The following ZNF791 variants were observed in gnomAD, a reference collection of about 807,000 sequenced individuals.
ZNF791 encodes the protein zinc finger protein 791.
In ZNF791, 4 loss-of-function variants were observed where a neutral mutation model predicts 11.5. That is an observed-to-expected ratio of 0.35 (90% CI 0.17 to 0.80). The LOEUF is 0.80. Among genes scored for constraint, ZNF791 ranks in the 30% least tolerant of loss-of-function variants. The pLI, the probability that ZNF791 is intolerant of heterozygous loss-of-function variation, is 0.53. For missense variants in ZNF791, 559 were observed against 699.4 expected (o/e 0.80, Z 2.26); for synonymous variants, 212 against 228.1 (o/e 0.93, Z 0.64).
intron 1 of ZNF791, among the ~76,000 whole-genome samples, chr19:12,617,559 T>C (rs2023263556): frequency 6.6e-6 from 1 of 152,178 alleles, no homozygotes; most frequent in African/African-American, 2.4e-5. Context: ...TCTGAGAGCA[T>C]ATTTTATATA....
chr19:12,624,176 T>G (rs2023394608), intron 2 of ZNF791, among the ~76,000 whole-genome samples: 4 of 101,212 alleles, frequency 4.0e-5, no homozygotes, highest in African/African-American at 1.5e-4. Context: ...TTTTTTTTTT[T>G]GAGTCTCGTC....
chr19:12,620,563 C>A (rs1227560113), intron 1 of ZNF791, among the ~76,000 whole-genome samples: 1 of 152,080 alleles, frequency 6.6e-6, no homozygotes, highest in Non-Finnish European at 1.5e-5. Flanking sequence ...CGAGGGAGAG[C>A]TCCCTGGAGC....
rs1479363895 is a variant in ZNF791, at chr19:12,628,309, A to G, written c.780A>G (p.Leu260=). Residue 260 remains leucine, a synonymous_variant, in exon 4 of 4, where the codon CTA becomes CTG. Coordinates refer to ENST00000343325, the MANE Select transcript of ZNF791 (RefSeq NM_153358.3). ...GKAFISHTSV[L]THMITHNGDR... The stretch of plus-strand genomic sequence containing the variant: ...CCTTCATTTCCCACACAAGTGTTCT[A>G]ACACACATGATAACACACAACGGAG... 1 of 1,613,842 alleles carries G rather than the reference A, an allele frequency of 6.2e-7. No individual in the cohort carries two copies. Among genetic ancestry groups the G allele is most frequent in the South Asian group, 1.1e-5 (1 of 91,014 alleles).
chr19:12,626,445 A>G (rs1230689065), intron 3 of ZNF791, among the ~76,000 whole-genome samples: 2 of 146,460 alleles, frequency 1.4e-5, no homozygotes, highest in African/African-American at 2.5e-5. Context: ...CACCATGCCC[A>G]GCCAATTTTG....
At chr19:12,614,494 C>T (rs553869971) in intron 1 of ZNF791, among the ~76,000 whole-genome samples, 6 of 152,096 alleles carry the variant, frequency 3.9e-5, no homozygotes, top group Non-Finnish European at 8.8e-5. Flanking sequence ...GCCTTGGCCT[C>T]ACAAAGTGCT....
At chr19:12,625,825 T>C (rs1449133359) in intron 3 of ZNF791, among the ~76,000 whole-genome samples, 2 of 151,220 alleles carry the variant, frequency 1.3e-5, no homozygotes, top group Non-Finnish European at 1.5e-5. Context: ...AGAAAAATAT[T>C]GTACTTGGGA....
chr19:12,622,058 AC>A (rs2023358068), intron 1 of ZNF791, among the ~76,000 whole-genome samples: 1 of 135,630 alleles, frequency 7.4e-6, no homozygotes, highest in South Asian at 2.3e-4. Context: ...CTTACCCCCA[AC>A]CCTGTGCTCT....
intron 1 of ZNF791, among the ~76,000 whole-genome samples, chr19:12,621,842 C>G (rs1411621591): frequency 2.2e-5 from 3 of 137,678 alleles, no homozygotes; most frequent in Admixed American, 7.2e-5. Context: ...GCCACCACCC[C>G]GTCTGGGAGG....
In ZNF791 at chr19:12,632,866, T is replaced by G. The variant is rs1326275729; in HGVS notation, c.*3606T>G. 4 of 151,838 alleles carry G rather than the reference T, an allele frequency of 2.6e-5. No individual in the cohort carries two copies. Among genetic ancestry groups the G allele is most frequent in the African/African-American group, 9.7e-5 (4 of 41,316 alleles). The allele number at this position is 151,838 out of a possible 1,614,324, so 9.4% of individuals were successfully genotyped here. On this transcript the variant is annotated 3_prime_UTR_variant, in exon 4 of 4. Coordinates refer to ENST00000343325, the MANE Select transcript of ZNF791 (RefSeq NM_153358.3). ...ATCCCAGCACTTTGGGAGGCCGAGG[T>G]GGGCGGATCACGAAGTCAGGAGATT...
At chr19:12,614,892 C>CTTTTT (rs57575424) in intron 1 of ZNF791, among the ~76,000 whole-genome samples, 838 of 17,554 alleles carry the variant, frequency 0.048, 345 homozygotes, top group Middle Eastern at 0.22. Context: ...TGCGTCCGGC[C>CTTTTT]TTTTTTTTTT....
In ZNF791 at chr19:12,631,732, A is replaced by G. The variant is rs1568292145; in HGVS notation, c.*2472A>G. On this transcript the variant is annotated 3_prime_UTR_variant, in exon 4 of 4. Coordinates refer to ENST00000343325, the MANE Select transcript of ZNF791 (RefSeq NM_153358.3). ...GGGCAACAGAGCAAGACTCCATCCC[A>G]CACACCAAAAAAAAGTTAAAAATTT... The G allele has an allele frequency of 6.6e-6, 1 of 151,850 alleles. No homozygotes were observed. Among genetic ancestry groups the G allele is most frequent in the South Asian group, 2.1e-4 (1 of 4,824 alleles). The allele number at this position is 151,850 out of a possible 1,614,324, so 9.4% of individuals were successfully genotyped here.
At chr19:12,617,443 GA>G (rs1568286816) in intron 1 of ZNF791, among the ~76,000 whole-genome samples, 1 of 151,968 alleles carries the variant, frequency 6.6e-6, no homozygotes, top group East Asian at 1.9e-4. Context: ...TTTTTCTTGA[GA>G]TTTTTTTGAT....
At chr19:12,612,075 G>T (rs2023166190) in intron 1 of ZNF791, among the ~76,000 whole-genome samples, 1 of 152,076 alleles carries the variant, frequency 6.6e-6, no homozygotes, top group South Asian at 2.1e-4. Flanking sequence ...TCTCAGGTCT[G>T]TTCTTTTAGT....
At position 12,628,221 on chromosome 19, in the gene ZNF791, T is replaced by C; in HGVS notation, c.692T>C (p.Ile231Thr). The C allele has an allele frequency of 6.2e-7, 1 of 1,613,942 alleles. No individual in the cohort carries two copies. The highest frequency in any genetic ancestry group is 8.5e-7 in the Non-Finnish European group (1 of 1,179,884). ...CGKAFSCSSS[I>T]RVHERTHTGE... ...AAAGCCTTCAGTTGTTCCAGTTCTA[T>C]TCGAGTACACGAAAGAACTCACACT... is the stretch of plus-strand genomic sequence containing the variant. Residue 231 changes from isoleucine to threonine, a missense_variant, in exon 4 of 4, where the codon ATT becomes ACT. Physicochemically the swap from Ile to Thr is moderately conservative, Grantham distance 89 (BLOSUM62 -1). Transcript: ENST00000343325.
At chr19:12,613,683 G>C (rs2023196339) in intron 1 of ZNF791, among the ~76,000 whole-genome samples, 1 of 152,142 alleles carries the variant, frequency 6.6e-6, no homozygotes, top group Non-Finnish European at 1.5e-5. Flanking sequence ...GTGATTCCAA[G>C]CTAAGTCCAC....
chr19:12,611,154 C>G, intron 1 of ZNF791, 72 bp downstream of exon 1: 1 of 1,597,052 alleles, frequency 6.3e-7, no homozygotes, highest in Non-Finnish European at 8.6e-7. Flanking sequence ...CGGTCACCTC[C>G]GGCCGCAGTG....
chr19:12,620,807 C>T (rs2023330868), intron 1 of ZNF791, among the ~76,000 whole-genome samples: 1 of 131,516 alleles, frequency 7.6e-6, no homozygotes, highest in East Asian at 2.2e-4. Flanking sequence ...GTTGCCCAGG[C>T]TGGACTGCAG....
chr19:12,626,627 C>T (rs1201494443), intron 3 of ZNF791, among the ~76,000 whole-genome samples: 4 of 151,754 alleles, frequency 2.6e-5, no homozygotes, highest in African/African-American at 7.3e-5. Context: ...ATTTTTGAGA[C>T]GAAGTCTTGC....
intron 1 of ZNF791, among the ~76,000 whole-genome samples, chr19:12,615,152 A>C (rs2023227436): frequency 6.8e-6 from 1 of 147,440 alleles, no homozygotes; most frequent in Non-Finnish European, 1.5e-5. Flanking sequence ...AGTAGCTGGG[A>C]CTGCATGCAT....
Sources: allele counts gnomAD v4.1 joint callset (sites outside exome capture counted in the v4.1 genomes callset), GRCh38; gene constraint gnomAD v4.1.1; transcripts MANE v1.5; gene names NCBI Gene and HGNC (gene_info 2026-07-23, HGNC 2026-07-21).